The following RSRC1 variants were observed in gnomAD, a reference collection of about 807,000 sequenced individuals.
The protein encoded by RSRC1 is serine/Arginine-related protein 53.
Under a neutral mutation model 49.1 loss-of-function variants are expected in RSRC1, and 39 were observed. The observed-to-expected ratio is 0.79, with a 90% CI of 0.61 to 1.04. The LOEUF is 1.04. RSRC1 is among the 50% of genes least tolerant of loss of function. The pLI, the probability that RSRC1 is intolerant of heterozygous loss-of-function variation, is 0.00. For synonymous variants in RSRC1, 143 were observed against 130.8 expected (o/e 1.09, Z -0.63); for missense variants, 388 against 402.4 (o/e 0.96, Z 0.31).
At chr3:158,481,894 A>G (rs947028932) in intron 7 of RSRC1, among the ~76,000 whole-genome samples, 2 of 152,006 alleles carry the variant, frequency 1.3e-5, no homozygotes, top group African/African-American at 2.4e-5. Flanking sequence ...AGCAGAAACC[A>G]TTTCTGTATG....
At chr3:158,462,139 T>C (rs954771476) in intron 7 of RSRC1, among the ~76,000 whole-genome samples, 1 of 151,890 alleles carries the variant, frequency 6.6e-6, no homozygotes, top group Non-Finnish European at 1.5e-5. Context: ...TTATGCTCTT[T>C]TCCGGGATCA....
chr3:158,208,080 G>A (rs572667023), intron 4 of RSRC1, among the ~76,000 whole-genome samples: 1 of 152,166 alleles, frequency 6.6e-6, no homozygotes, highest in African/African-American at 2.4e-5. Flanking sequence ...TTATAACACT[G>A]TGTGAATGAT....
intron 5 of RSRC1, among the ~76,000 whole-genome samples, chr3:158,331,202 A>G (rs1010606719): frequency 1.3e-5 from 2 of 152,236 alleles, no homozygotes; most frequent in Non-Finnish European, 2.9e-5. Flanking sequence ...CAGCCAAACC[A>G]TATCAACATC....
chr3:158,347,616 G>A (rs1730625346), intron 5 of RSRC1, among the ~76,000 whole-genome samples: 1 of 152,054 alleles, frequency 6.6e-6, no homozygotes, highest in Non-Finnish European at 1.5e-5. Flanking sequence ...CACAATCATA[G>A]CCCACTGCAA....
intron 1 of RSRC1, among the ~76,000 whole-genome samples, chr3:158,118,493 T>C (rs1715029273): frequency 6.7e-6 from 1 of 149,296 alleles, no homozygotes. Context: ...TAAATTGTCC[T>C]TTGTTAAAAT....
chr3:158,177,670 C>G (rs994979457), intron 3 of RSRC1, among the ~76,000 whole-genome samples: 2 of 152,020 alleles, frequency 1.3e-5, no homozygotes, highest in African/African-American at 4.8e-5. Context: ...AGAGGGATAG[C>G]ATTAGGAGAA....
intron 6 of RSRC1, among the ~76,000 whole-genome samples, chr3:158,447,516 T>C (rs1736787466): frequency 1.3e-5 from 2 of 152,036 alleles, no homozygotes; most frequent in Non-Finnish European, 2.9e-5. Flanking sequence ...ACACAGTTTT[T>C]AAAAAGCCAT....
chr3:158,322,339 C>T (rs1490620111), intron 5 of RSRC1, among the ~76,000 whole-genome samples: 1 of 152,170 alleles, frequency 6.6e-6, no homozygotes, highest in African/African-American at 2.4e-5. Context: ...TCAAGCAATC[C>T]TCCTGCCTTG....
At chr3:158,157,009 A>G (rs1717917996) in intron 3 of RSRC1, among the ~76,000 whole-genome samples, 1 of 152,234 alleles carries the variant, frequency 6.6e-6, no homozygotes, top group Admixed American at 6.5e-5. Flanking sequence ...CAATATCTGC[A>G]AAGGGCAATA....
chr3:158,452,509 G>A (rs187287423), intron 6 of RSRC1, among the ~76,000 whole-genome samples: 1 of 152,264 alleles, frequency 6.6e-6, no homozygotes, highest in Admixed American at 6.5e-5. Flanking sequence ...GAGCAGTGCT[G>A]GATATATTAC....
In RSRC1 at chr3:158,147,243, AT is replaced by A. The variant is rs1192713055; in HGVS notation, c.320+23259del. On this transcript the variant is annotated intron_variant, in intron 3 of 9. Transcript: ENST00000611884. The stretch of plus-strand genomic sequence containing the variant: ...TCTTATATCACATAATGCCATTATT[AT>A]TTTTTTCCATGTGTGAGACAGCATC... 2.0e-5 allele frequency among the ~76,000 whole-genome samples: 3 copies of A among 147,800 alleles called. No individual in the cohort carries two copies. In the South Asian group the frequency reaches 6.4e-4, roughly 31 times the overall value.
At chr3:158,470,353 C>CATATATAT (rs1168384550) in intron 7 of RSRC1, among the ~76,000 whole-genome samples, 33 of 120,104 alleles carry the variant, frequency 2.7e-4, no homozygotes, top group African/African-American at 9.7e-4. Context: ...CACACACACA[C>CATATATAT]ACACACACAT....
At chr3:158,148,101 T>C (rs1717264062) in intron 3 of RSRC1, among the ~76,000 whole-genome samples, 1 of 152,206 alleles carries the variant, frequency 6.6e-6, no homozygotes, top group African/African-American at 2.4e-5. Context: ...GTACAGGTAA[T>C]TGATGTATAC....
intron 6 of RSRC1, among the ~76,000 whole-genome samples, chr3:158,365,577 T>G (rs1382434342): frequency 1.3e-5 from 2 of 152,242 alleles, no homozygotes; most frequent in African/African-American, 2.4e-5. Flanking sequence ...TTCCAAGTTT[T>G]TGCTATTGTA....
chr3:158,344,601 C>T (rs1272300750), intron 5 of RSRC1, among the ~76,000 whole-genome samples: 1 of 152,098 alleles, frequency 6.6e-6, no homozygotes, highest in Non-Finnish European at 1.5e-5. Flanking sequence ...ATCTGTACCA[C>T]AAGAAATGTC....
rs186814260 is a variant in RSRC1, at chr3:158,500,334, G to C, written c.653-36758G>C. 3.8e-3 allele frequency among the ~76,000 whole-genome samples: 583 copies of C among 151,966 alleles called. 5 individuals are homozygous for C. Among genetic ancestry groups the C allele is most frequent in the African/African-American group, 0.013 (559 of 41,474 alleles). ...TATCGGTCTGTAGTGTTCTTTTTTT[G>C]GTTATGTCCTTTCCTGGTTTTGGTA... On this transcript the variant is annotated intron_variant, in intron 7 of 9. Transcript: ENST00000611884.
chr3:158,315,187 A>G (rs1728359123), intron 5 of RSRC1, among the ~76,000 whole-genome samples: 1 of 152,182 alleles, frequency 6.6e-6, no homozygotes, highest in African/African-American at 2.4e-5. Context: ...AGGCACTTTG[A>G]ATGGATGGTT....
At chr3:158,165,369 C>T (rs1479551451) in intron 3 of RSRC1, among the ~76,000 whole-genome samples, 6 of 152,194 alleles carry the variant, frequency 3.9e-5, no homozygotes, top group Non-Finnish European at 7.3e-5. Flanking sequence ...CGTTAATAAG[C>T]ATCATTGCAT....
At chr3:158,214,549 A>G (rs1245584245) in intron 4 of RSRC1, among the ~76,000 whole-genome samples, 1 of 151,370 alleles carries the variant, frequency 6.6e-6, no homozygotes, top group Admixed American at 6.6e-5. Flanking sequence ...TTCTTTTCTA[A>G]TACAAGTGTT....
Sources: allele counts gnomAD v4.1 joint callset (sites outside exome capture counted in the v4.1 genomes callset), GRCh38; gene constraint gnomAD v4.1.1; transcripts MANE v1.5; gene names NCBI Gene and HGNC (gene_info 2026-07-23, HGNC 2026-07-21).